Variants in NAALADL2 observed in about 807,000 individuals in gnomAD.
NAALADL2 encodes the protein inactive N-acetylated-alpha-linked acidic dipeptidase-like protein 2.
In NAALADL2, 76 loss-of-function variants were observed where a neutral mutation model predicts 87.2. The observed-to-expected ratio is 0.87, with a 90% CI of 0.72 to 1.05. The LOEUF is 1.05. Ranked by LOEUF, NAALADL2 falls within the 50% of genes least tolerant of loss-of-function variation. The probability of loss-of-function intolerance (pLI) is 0.00; values close to 1 mark genes in which losing one functional copy is unlikely to be tolerated. For missense variants in NAALADL2, 1,089 were observed against 945.8 expected (o/e 1.15, Z -1.99); for synonymous variants, 354 against 331.0 (o/e 1.07, Z -0.75).
chr3:174,752,882 G>T (rs1378653057), intron 3 of NAALADL2, among the ~76,000 whole-genome samples: 1 of 152,128 alleles, frequency 6.6e-6, no homozygotes, highest in Non-Finnish European at 1.5e-5. Context: ...TGCTACAGCT[G>T]AACATTTCAA....
At chr3:174,965,641 A>G (rs535315075) in intron 1 of NAALADL2, among the ~76,000 whole-genome samples, 3 of 152,194 alleles carry the variant, frequency 2.0e-5, no homozygotes, top group Non-Finnish European at 4.4e-5. Context: ...ATGAAGGAAA[A>G]AAACAACATG....
At chr3:175,327,148 C>CTCTTTTTTTTTTTTTTT (rs1760811308) in intron 5 of NAALADL2, among the ~76,000 whole-genome samples, 12 of 99,512 alleles carry the variant, frequency 1.2e-4, no homozygotes, top group African/African-American at 4.6e-4. Flanking sequence ...GTCTACATTT[C>CTCTTTTTTTTTTTTTTT]TTTTTTTTTT....
At chr3:174,490,947 G>A (rs1473720624) in intron 1 of NAALADL2, among the ~76,000 whole-genome samples, 2 of 152,012 alleles carry the variant, frequency 1.3e-5, no homozygotes, top group Non-Finnish European at 2.9e-5. Context: ...GAAAATGAGA[G>A]ATAACATACT....
At chr3:175,117,793 GC>G (rs1725499486) in intron 2 of NAALADL2, among the ~76,000 whole-genome samples, 1 of 151,982 alleles carries the variant, frequency 6.6e-6, no homozygotes, top group Non-Finnish European at 1.5e-5. Flanking sequence ...TATAAATCAT[GC>G]TGCTATAAGA....
rs1042816888 is a variant in NAALADL2 at position 175,259,149 on chromosome 3, A to G, written c.939+2619A>G. On this transcript the variant is annotated intron_variant, in intron 4 of 13. Coordinates refer to ENST00000454872, the MANE Select transcript of NAALADL2 (RefSeq NM_207015.3). The stretch of plus-strand genomic sequence containing the variant: ...GAGCCCCAGAACGTGTGGAGCTTCC[A>G]TAGGACAAGCACAGTAACATAAGAA... Among the ~76,000 whole-genome samples, 82 of 152,326 alleles carry G rather than the reference A, an allele frequency of 5.4e-4. 1 individual carries two copies. Among genetic ancestry groups the G allele is most frequent in the Middle Eastern group, 3.4e-3 (1 of 292 alleles).
At chr3:174,747,577 G>C (rs149913251) in intron 3 of NAALADL2, among the ~76,000 whole-genome samples, 1,974 of 126,308 alleles carry the variant, frequency 0.016, 12 homozygotes, top group Middle Eastern at 0.044. Flanking sequence ...AGCTGAGATT[G>C]CACCATTGCA....
At chr3:175,696,808 C>G (rs1737854965) in intron 11 of NAALADL2, among the ~76,000 whole-genome samples, 1 of 152,052 alleles carries the variant, frequency 6.6e-6, no homozygotes, top group Non-Finnish European at 1.5e-5. Context: ...GAACATGGCA[C>G]CAATGTCTGG....
At chr3:175,220,590 C>G (rs1443908486) in intron 2 of NAALADL2, among the ~76,000 whole-genome samples, 1 of 151,796 alleles carries the variant, frequency 6.6e-6, no homozygotes, top group Non-Finnish European at 1.5e-5. Flanking sequence ...CTTCTCCCTC[C>G]TTCTTTTTCT....
At chr3:175,396,158 CA>C (rs1158780892) in intron 5 of NAALADL2, among the ~76,000 whole-genome samples, 1 of 152,022 alleles carries the variant, frequency 6.6e-6, no homozygotes, top group African/African-American at 2.4e-5. Flanking sequence ...CCTAGGTAAC[CA>C]TATATAGTAT....
intron 11 of NAALADL2, among the ~76,000 whole-genome samples, chr3:175,667,161 AAAAGAAAGAAAGAAAGAAAGAG>A (rs1733133752): frequency 7.0e-6 from 1 of 142,610 alleles, no homozygotes; most frequent in South Asian, 2.1e-4. Context: ...GAGAGAAAGA[AAAAGAAAGAAAGAAAGAAAGAG>A]AAAGAAAGAA....
At chr3:175,687,951 AC>A (rs962245957) in intron 11 of NAALADL2, among the ~76,000 whole-genome samples, 3 of 151,908 alleles carry the variant, frequency 2.0e-5, no homozygotes, top group African/African-American at 7.3e-5. Flanking sequence ...CTTCTTGTAC[AC>A]CCTGCAGAAT....
chr3:174,806,437 C>T (rs1719506778), intron 3 of NAALADL2, among the ~76,000 whole-genome samples: 1 of 152,194 alleles, frequency 6.6e-6, no homozygotes, highest in Non-Finnish European at 1.5e-5. Flanking sequence ...CTAGGTGGTT[C>T]TCTGCTCTTG....
At chr3:175,344,608 T>C (rs1353474239) in intron 5 of NAALADL2, among the ~76,000 whole-genome samples, 1 of 152,080 alleles carries the variant, frequency 6.6e-6, no homozygotes, top group Admixed American at 6.6e-5. Context: ...ATTATTTACC[T>C]GCTAACTATG....
At chr3:175,423,356 G>T (rs1180832272) in intron 5 of NAALADL2, among the ~76,000 whole-genome samples, 2 of 150,056 alleles carry the variant, frequency 1.3e-5, no homozygotes, top group Non-Finnish European at 3.0e-5. Flanking sequence ...ATGTTGGTGT[G>T]CTGCACCCAT....
intron 10 of NAALADL2, among the ~76,000 whole-genome samples, chr3:175,588,742 G>C (rs567363626): frequency 6.6e-6 from 1 of 152,060 alleles, no homozygotes; most frequent in Non-Finnish European, 1.5e-5. Flanking sequence ...GTTTCACCGT[G>C]TTAGCCAGGA....
intron 2 of NAALADL2, among the ~76,000 whole-genome samples, chr3:174,614,746 G>A (rs1236887376): frequency 6.6e-6 from 1 of 152,132 alleles, no homozygotes; most frequent in Non-Finnish European, 1.5e-5. Flanking sequence ...GTTCTTGTGA[G>A]GGTGATGATA....
chr3:175,032,150 G>A (rs930426997), intron 1 of NAALADL2, among the ~76,000 whole-genome samples: 9 of 151,638 alleles, frequency 5.9e-5, no homozygotes, highest in Non-Finnish European at 1.0e-4. Flanking sequence ...TATTTTTATT[G>A]CAATTGCTTT....
chr3:175,289,568 G>A (rs902887553), intron 4 of NAALADL2, among the ~76,000 whole-genome samples: 1 of 151,132 alleles, frequency 6.6e-6, no homozygotes. Flanking sequence ...ACCTTTAGAA[G>A]ATTTTCTTAG....
intron 10 of NAALADL2, among the ~76,000 whole-genome samples, chr3:175,588,260 G>C (rs1014045479): frequency 3.9e-5 from 6 of 152,102 alleles, no homozygotes; most frequent in African/African-American, 1.4e-4. Flanking sequence ...AATTATTATA[G>C]AGTCATTGGC....
Sources: allele counts gnomAD v4.1 joint callset (sites outside exome capture counted in the v4.1 genomes callset), GRCh38; gene constraint gnomAD v4.1.1; transcripts MANE v1.5; gene names NCBI Gene and HGNC (gene_info 2026-07-23, HGNC 2026-07-21).